DYNC2I1: variants seen among roughly 807,000 people sequenced by gnomAD.
DYNC2I1 encodes dynein 2 intermediate chain 1.
In DYNC2I1, 89 loss-of-function variants were observed where a neutral mutation model predicts 133.4. The observed-to-expected ratio is 0.67, with a 90% CI of 0.56 to 0.80. The LOEUF (loss-of-function observed/expected upper bound fraction) is 0.80. Among genes scored for constraint, DYNC2I1 ranks in the 30% least tolerant of loss-of-function variants. The pLI is 0.00. For synonymous variants in DYNC2I1, 504 were observed against 484.3 expected, an observed-to-expected ratio of 1.04 and a Z score of -0.54; for missense variants, 1,291 against 1,314.5, an observed-to-expected ratio of 0.98 and a Z score of 0.28.
chr7:158,923,909 T>C (rs528938830), intron 17 of DYNC2I1, among the ~76,000 whole-genome samples, 176 bp downstream of exon 17: 2 of 152,318 alleles, frequency 1.3e-5, no homozygotes, highest in South Asian at 2.1e-4. Context: ...ATTCCAATCA[T>C]GATTATCCAG....
In DYNC2I1 at chr7:158,945,291, C is replaced by G; in HGVS notation, c.3003-290C>G. ...ATGGGCCTGCCTGTGCTGCTGATGGCCCCCACCTTCTCCAGGGACCTGCTG... is the reference window on the plus strand; with the variant it reads ...ATGGGCCTGCCTGTGCTGCTGATGGGCCCCACCTTCTCCAGGGACCTGCTG... On this transcript the variant is annotated intron_variant, in intron 24 of 24. Coordinates refer to ENST00000407559, the MANE Select transcript of DYNC2I1 (RefSeq NM_018051.5). This position sits in a 1 kb window ranked among gnomAD's most constrained non-coding sequence, Gnocchi z 4.1. Among the ~76,000 whole-genome samples, 1 of 152,114 alleles carries G rather than the reference C, an allele frequency of 6.6e-6. No homozygotes were observed. Among genetic ancestry groups the G allele is most frequent in the East Asian group, 1.9e-4 (1 of 5,188 alleles).
intron 11 of DYNC2I1, among the ~76,000 whole-genome samples, chr7:158,910,451 T>G (rs935625029): frequency 6.1e-5 from 9 of 147,900 alleles, no homozygotes; most frequent in Non-Finnish European, 8.9e-5. Flanking sequence ...CGAGGGCAAT[T>G]GGCTATGTCA....
At chr7:158,869,266 G>T (rs1025658656) in intron 1 of DYNC2I1, among the ~76,000 whole-genome samples, 1 of 147,220 alleles carries the variant, frequency 6.8e-6, no homozygotes, top group East Asian at 2.0e-4. Context: ...CTCTGGGCCC[G>T]TGGCTGTGGC....
In DYNC2I1 at chr7:158,856,694, CG is replaced by C; in HGVS notation, c.-38del. 2.4e-6 allele frequency: 3 copies of C among 1,232,350 alleles called. No individual in the cohort carries two copies. The highest frequency in any genetic ancestry group is 1.0e-6 in the Non-Finnish European group (1 of 986,944). 76.3% of individuals were successfully genotyped at this position (1,232,350 alleles called of 1,614,324 possible). A position where few individuals can be genotyped will look rare whatever the true frequency, so the allele number is the denominator to read the frequency against. ...CTCTTCGGGGTGGACCGCGCCTGGC[CG>C]GGGCCGAGGACACCGCGGCCGCCCG... On this transcript the variant is annotated 5_prime_UTR_variant, in exon 1 of 25. Coordinates refer to ENST00000407559, the MANE Select transcript of DYNC2I1 (RefSeq NM_018051.5).
intron 8 of DYNC2I1, among the ~76,000 whole-genome samples, chr7:158,901,031 A>G (rs1373616298): frequency 6.6e-6 from 1 of 151,960 alleles, no homozygotes; most frequent in African/African-American, 2.4e-5. Context: ...GATAATTCCA[A>G]CATCCCTGCC....
chr7:158,866,394 CCCA>C (rs1375441433), intron 1 of DYNC2I1, among the ~76,000 whole-genome samples: 2 of 151,348 alleles, frequency 1.3e-5, no homozygotes, highest in Non-Finnish European at 2.9e-5. Context: ...CTCTGTGGTG[CCCA>C]CGTTTCCTGG....
intron 21 of DYNC2I1, among the ~76,000 whole-genome samples, chr7:158,931,994 G>A (rs1850264694): frequency 6.6e-6 from 1 of 152,166 alleles, no homozygotes; most frequent in Admixed American, 6.5e-5. Context: ...GGGCCGAGAG[G>A]AGGAGCTGAG....
chr7:158,856,054 G>T (rs1439373178), upstream of DYNC2I1, among the ~76,000 whole-genome samples: 1 of 147,368 alleles, frequency 6.8e-6, no homozygotes, highest in African/African-American at 2.5e-5. Flanking sequence ...CCATCCTTCT[G>T]CCTCAGCCTC....
At chr7:158,891,429 T>TTATATA in intron 8 of DYNC2I1, 96 bp downstream of exon 8, 1 of 1,338,172 alleles carries the variant, frequency 7.5e-7, no homozygotes, top group Non-Finnish European at 1.1e-6. Flanking sequence ...GCTAGTGCAA[T>TTATATA]TATTGTCCCT....
chr7:158,883,955 C>G (rs138066846), intron 5 of DYNC2I1, among the ~76,000 whole-genome samples: 1 of 150,882 alleles, frequency 6.6e-6, no homozygotes, highest in Non-Finnish European at 1.5e-5. Flanking sequence ...TGAGCCACCG[C>G]GCCCGGCCCA....
chr7:158,887,038 T>G lies in DYNC2I1; in HGVS notation c.953T>G (p.Val318Gly). 5.0e-6 allele frequency: 8 copies of G among 1,613,992 alleles called. No individual in the cohort carries two copies. Among genetic ancestry groups the G allele is most frequent in the Non-Finnish European group, 6.8e-6 (8 of 1,179,860 alleles). ...CTTTCCAGGCATGCTGAGAATTTAG[T>G]AAGGAATCATGGAAAAGATAAAGAT... ...GTSSQHAENL[V>G]RNHGKDKDSR... Residue 318 changes from valine (V) to glycine (G), a missense_variant, in exon 7 of 25, where the codon GTA becomes GGA. Coordinates refer to ENST00000407559, the MANE Select transcript of DYNC2I1 (RefSeq NM_018051.5).
chr7:158,891,525 T>G (rs547574378), intron 8 of DYNC2I1, among the ~76,000 whole-genome samples, 192 bp downstream of exon 8: 1 of 152,322 alleles, frequency 6.6e-6, no homozygotes, highest in South Asian at 2.1e-4. Flanking sequence ...TCCTCGGTCA[T>G]GTTGAAAGCT....
chr7:158,862,325 T>C (rs895842872), intron 1 of DYNC2I1, among the ~76,000 whole-genome samples: 2 of 152,078 alleles, frequency 1.3e-5, no homozygotes, highest in African/African-American at 4.8e-5. Context: ...ACAAAATACT[T>C]TGTCAAGTAC....
rs760738488 is a variant in DYNC2I1 at position 158,942,112 on chromosome 7, T to C, written c.2966T>C (p.Leu989Pro). The change falls in exon 24 of 25, where the codon CTG (leucine) becomes CCG (proline). Residue 989 changes from leucine (L) to proline (P), a missense_variant. Coordinates refer to ENST00000407559, the MANE Select transcript of DYNC2I1 (RefSeq NM_018051.5). The part of the protein sequence containing the change: ...IYIWDLLQSD[L>P]GPVAKQQVSP... ...ATCTGGGACCTCCTCCAGAGCGATC[T>C]GGGTCCTGTCGCCAAACAGCAGGTC... is the stretch of plus-strand genomic sequence containing the variant. The C allele has an allele frequency of 6.3e-7, 1 of 1,579,740 alleles. No homozygotes were observed. The highest frequency in any genetic ancestry group is 1.2e-5 in the South Asian group (1 of 86,360).
chr7:158,956,244 T>C (rs1852195604), intron 4 of DYNC2I1, among the ~76,000 whole-genome samples: 1 of 152,206 alleles, frequency 6.6e-6, no homozygotes, highest in South Asian at 2.1e-4. Context: ...ATCCGCATAA[T>C]CTGCCCCGTG....
intron 9 of DYNC2I1, 59 bp from the exon 10 acceptor site, chr7:158,902,317 A>G (rs1206527887): frequency 7.1e-7 from 1 of 1,410,476 alleles, no homozygotes; most frequent in Non-Finnish European, 9.9e-7. Context: ...GTTCAGTATG[A>G]GGGATAATTG....
intron 1 of DYNC2I1, among the ~76,000 whole-genome samples, chr7:158,865,364 T>A (rs1842313736): frequency 6.6e-6 from 1 of 152,234 alleles, no homozygotes; most frequent in South Asian, 2.1e-4. Context: ...GTAAACATTG[T>A]TCAGGGTTCT....
At chr7:158,948,158 A>G (rs1232195165), downstream of DYNC2I1, among the ~76,000 whole-genome samples, 1 of 152,118 alleles carries the variant, frequency 6.6e-6, no homozygotes, top group Admixed American at 6.5e-5. Flanking sequence ...GCAGCCTCTA[A>G]AAAACACATT....
intron 8 of DYNC2I1, among the ~76,000 whole-genome samples, chr7:158,892,810 G>A (rs568789084): frequency 4.0e-5 from 6 of 151,858 alleles, no homozygotes; most frequent in South Asian, 2.1e-4. Context: ...GTGTGGTGGC[G>A]CGTGCCTGTA....
Sources: allele counts gnomAD v4.1 joint callset (sites outside exome capture counted in the v4.1 genomes callset), GRCh38; gene constraint gnomAD v4.1.1; non-coding constraint Gnocchi (gnomAD v3.1); transcripts MANE v1.5; gene names NCBI Gene and HGNC (gene_info 2026-07-23, HGNC 2026-07-21).